The following GUF1 variants were observed in gnomAD, a reference collection of about 807,000 sequenced individuals.
GUF1 encodes the protein translation factor GUF1, mitochondrial.
In GUF1, 78 loss-of-function variants were observed where a neutral mutation model predicts 82.4. The ratio of observed to expected loss-of-function variants is 0.95; its 90% CI spans 0.79 to 1.14. The LOEUF (loss-of-function observed/expected upper bound fraction) is 1.14, where lower values mean the gene tolerates loss of function less well. Ranked by LOEUF, GUF1 falls within the 50% of genes most tolerant of loss-of-function variation. The probability of loss-of-function intolerance (pLI) is 0.00; values close to 1 mark genes in which losing one functional copy is unlikely to be tolerated. For missense variants in GUF1, 814 were observed against 798.2 expected, an observed-to-expected ratio of 1.02 and a Z score of -0.24; for synonymous variants, 279 against 282.3, an observed-to-expected ratio of 0.99 and a Z score of 0.12.
At chr4:44,691,056 C>G (rs1349861710) in intron 12 of GUF1, among the ~76,000 whole-genome samples, 196 bp downstream of exon 12, 1 of 151,324 alleles carries the variant, frequency 6.6e-6, no homozygotes, top group Non-Finnish European at 1.5e-5. Flanking sequence ...AAAAATATTT[C>G]TGATAATTTG....
In GUF1 at chr4:44,698,511, C is replaced by T. The variant is rs1288120246; in HGVS notation, c.1873-33C>T. 2.6e-6 allele frequency: 4 copies of T among 1,543,718 alleles called. No individual in the cohort carries two copies. In the Admixed American group the frequency reaches 6.1e-5, roughly 24 times the overall value. On this transcript the variant is annotated intron_variant, in intron 16 of 16. Transcript: ENST00000281543. ...ATATGATTGTTTCTCTTTAGAGTGA[C>T]TTAGACTTCCAATGTTTTAAAATAT... is the stretch of plus-strand genomic sequence containing the variant.
intron 16 of GUF1, among the ~76,000 whole-genome samples, chr4:44,698,105 C>T (rs1309594112): frequency 6.6e-6 from 1 of 152,064 alleles, no homozygotes; most frequent in African/African-American, 2.4e-5. Context: ...GAGATCCTGC[C>T]ATTGTACTCC....
At position 44,700,461 on chromosome 4, in the gene GUF1, C is replaced by CT. The variant is rs923431835; in HGVS notation, c.*1781dup. The CT allele has an allele frequency of 3.3e-5, 5 of 152,286 alleles. No homozygotes were observed. Among genetic ancestry groups the CT allele is most frequent in the African/African-American group, 1.2e-4 (5 of 41,452 alleles). 9.4% of individuals were successfully genotyped at this position (152,286 alleles called of 1,614,324 possible). A position where few individuals can be genotyped will look rare whatever the true frequency, so the allele number is the denominator to read the frequency against. On this transcript the variant is annotated 3_prime_UTR_variant, in exon 17 of 17. Coordinates refer to ENST00000281543, the MANE Select transcript of GUF1 (RefSeq NM_021927.3). ...GAAACTCAAAAAAATGCAACCCTTT[C>CT]TCTCTTACCTGCCTATGCTTGAAGC... is the stretch of plus-strand genomic sequence containing the variant.
rs187711775 is a variant in GUF1, at chr4:44,684,728, G to A, written c.670-1231G>A. 1.3e-3 allele frequency among the ~76,000 whole-genome samples: 203 copies of A among 152,170 alleles called. 1 individual carries two copies. The highest frequency in any genetic ancestry group is 4.4e-3 in the African/African-American group (181 of 41,536). On this transcript the variant is annotated intron_variant, in intron 6 of 16. Coordinates refer to ENST00000281543, the MANE Select transcript of GUF1 (RefSeq NM_021927.3). ...ACAGTTCATTGCTAAACTGAGCACT[G>A]TCTACAAACCTCCATTTCATACTTT...
intron 13 of GUF1, among the ~76,000 whole-genome samples, chr4:44,692,247 C>CTT (rs1033907358): frequency 6.6e-5 from 10 of 151,938 alleles, no homozygotes; most frequent in African/African-American, 2.2e-4. Context: ...TTAGTGAACA[C>CTT]TTTAATAACT....
At chr4:44,694,346 T>G in intron 13 of GUF1, 66 bp from the exon 14 acceptor site, 1 of 919,362 alleles carries the variant, frequency 1.1e-6, no homozygotes, top group Non-Finnish European at 1.8e-6. Flanking sequence ...TAGTAAAGAG[T>G]AAAGAGTAAT....
chr4:44,678,859 T>A (rs1339195272), intron 1 of GUF1, 72 bp downstream of exon 1: 1 of 1,429,044 alleles, frequency 7.0e-7, no homozygotes, highest in Admixed American at 3.0e-5. Context: ...CTTGGACATG[T>A]ATAGGGCTTT....
At chr4:44,691,640 AC>A (rs761985747) in intron 12 of GUF1, 25 bp from the exon 13 acceptor site, 1 of 1,568,538 alleles carries the variant, frequency 6.4e-7, no homozygotes, top group South Asian at 1.1e-5. Flanking sequence ...TTATCATTAA[AC>A]CCATTTTCTT....
In GUF1 at chr4:44,700,291, AAG is replaced by A. The variant is rs1197520894; in HGVS notation, c.*1612_*1613del. 13 of 152,314 alleles carry A rather than the reference AAG, an allele frequency of 8.5e-5. No individual in the cohort carries two copies. Among genetic ancestry groups the A allele is most frequent in the African/African-American group, 2.9e-4 (12 of 41,584 alleles). 9.4% of individuals were successfully genotyped at this position (152,314 alleles called of 1,614,324 possible). The stretch of plus-strand genomic sequence containing the variant: ...CTCACAAGGGAATTCCTTATGGACA[AAG>A]AACTCAAAGTCTTCACATGAAACAA... On this transcript the variant is annotated 3_prime_UTR_variant, in exon 17 of 17. Coordinates refer to ENST00000281543, the MANE Select transcript of GUF1 (RefSeq NM_021927.3).
At chr4:44,692,563 A>C (rs1462313900) in intron 13 of GUF1, among the ~76,000 whole-genome samples, 1 of 151,998 alleles carries the variant, frequency 6.6e-6, no homozygotes, top group Non-Finnish European at 1.5e-5. Context: ...ACTCCCACAC[A>C]GTGCATGAAT....
At chr4:44,679,454 C>CTA (rs1421052467) in intron 1 of GUF1, among the ~76,000 whole-genome samples, 1 of 152,148 alleles carries the variant, frequency 6.6e-6, no homozygotes, top group Non-Finnish European at 1.5e-5. Flanking sequence ...TGAAGGCAAG[C>CTA]TATAAGTAGG....
At chr4:44,682,479 G>A (rs1363553832) in intron 5 of GUF1, 68 bp downstream of exon 5, 5 of 816,234 alleles carry the variant, frequency 6.1e-6, no homozygotes, top group South Asian at 2.3e-5. Context: ...TTAAATGTCA[G>A]TTGTACTATT....
intron 1 of GUF1, among the ~76,000 whole-genome samples, chr4:44,680,069 T>C (rs1182721212): frequency 6.6e-6 from 1 of 152,150 alleles, no homozygotes; most frequent in Non-Finnish European, 1.5e-5. Context: ...AAAATTTATC[T>C]TCTTTCAGCT....
chr4:44,682,459 C>A, intron 5 of GUF1, 48 bp downstream of exon 5: 3 of 971,286 alleles, frequency 3.1e-6, no homozygotes, highest in Non-Finnish European at 4.5e-6. Flanking sequence ...TCTAAAAGTA[C>A]AATTAATGTT....
intron 14 of GUF1, 39 bp from the exon 15 acceptor site, chr4:44,695,576 T>A: frequency 6.4e-7 from 1 of 1,562,486 alleles, no homozygotes; most frequent in Non-Finnish European, 8.7e-7. Context: ...GAAATATTCT[T>A]ATTTAGGATA....
At position 44,680,477 on chromosome 4, in the gene GUF1, A is replaced by G. The variant is rs201178870; in HGVS notation, c.202A>G (p.Ile68Val). The G allele has an allele frequency of 1.2e-6, 2 of 1,607,396 alleles. No individual in the cohort carries two copies. Among genetic ancestry groups the G allele is most frequent in the East Asian group, 2.2e-5 (1 of 44,566 alleles). The stretch of plus-strand genomic sequence containing the variant: ...CATGTCTAGGTTTCCTGTTGAAAAT[A>G]TTAGAAATTTCAGTATTGTTGCACA... ...LDMSRFPVEN[I>V]RNFSIVAHVD... is the part of the protein sequence containing the mutation. Residue 68 changes from isoleucine (I) to valine (V), a missense_variant, in exon 2 of 17, where the codon ATT (isoleucine) becomes GTT (valine). Physicochemically the swap from Ile to Val is conservative, Grantham distance 29. Coordinates refer to ENST00000281543, the MANE Select transcript of GUF1 (RefSeq NM_021927.3).
Position 44,698,684 on chromosome 4 carries a change from G to C in GUF1, c.*3G>C, listed in dbSNP as rs1343907343. 1 of 1,582,260 alleles carries C rather than the reference G, an allele frequency of 6.3e-7. No individual in the cohort carries two copies. Among genetic ancestry groups the C allele is most frequent in the South Asian group, 1.2e-5 (1 of 84,926 alleles). On this transcript the variant is annotated 3_prime_UTR_variant, in exon 17 of 17. Transcript: ENST00000281543. The stretch of plus-strand genomic sequence containing the variant: ...TGAAAACACAATCTTCTAAATAATT[G>C]GTGGGAAAACAAAGAATTTTCATTG...
chr4:44,696,929 T>C (rs577097533), intron 15 of GUF1, among the ~76,000 whole-genome samples: 2 of 152,288 alleles, frequency 1.3e-5, no homozygotes, highest in East Asian at 3.9e-4. Flanking sequence ...TCTCAAACAT[T>C]GTAGAAATAG....
rs1250006344 is a variant in GUF1 at position 44,698,814 on chromosome 4, A to C, written c.*133A>C. On this transcript the variant is annotated 3_prime_UTR_variant, in exon 17 of 17. Coordinates refer to ENST00000281543, the MANE Select transcript of GUF1 (RefSeq NM_021927.3). ...TACTAGTCTTTCGTTGAAAGGGAGTAGTTAGTGGGTAGGCAAGAGCTTAGA... is the reference window on the plus strand; with the variant it reads ...TACTAGTCTTTCGTTGAAAGGGAGTCGTTAGTGGGTAGGCAAGAGCTTAGA... 3 of 734,130 alleles carry C rather than the reference A, an allele frequency of 4.1e-6. No homozygotes were observed. The highest frequency in any genetic ancestry group is 3.1e-5 in the Admixed American group (1 of 32,342). 45.5% of individuals were successfully genotyped at this position (734,130 alleles called of 1,614,324 possible).
Sources: allele counts gnomAD v4.1 joint callset (sites outside exome capture counted in the v4.1 genomes callset), GRCh38; gene constraint gnomAD v4.1.1; transcripts MANE v1.5; gene names NCBI Gene and HGNC (gene_info 2026-07-23, HGNC 2026-07-21).